Variants in PCDH15 observed in about 807,000 individuals in gnomAD.
PCDH15 encodes protocadherin related 15.
PCDH15 carries 129 observed loss-of-function variants against 178.5 expected under a neutral mutation model. That is an observed-to-expected ratio of 0.72 (90% CI 0.63 to 0.84). PCDH15 has a LOEUF of 0.84. Ranked by LOEUF, PCDH15 falls within the 40% of genes least tolerant of loss-of-function variation. The probability of loss-of-function intolerance (pLI) is 0.00; values close to 1 mark genes in which losing one functional copy is unlikely to be tolerated. For synonymous variants in PCDH15, 800 were observed against 732.0 expected, an observed-to-expected ratio of 1.09 and a Z score of -1.50; for missense variants, 2,230 against 2,099.9, an observed-to-expected ratio of 1.06 and a Z score of -1.21.
chr10:54,807,682 ATATATT>A (rs1474415111), intron 3 of PCDH15, among the ~76,000 whole-genome samples: 4 of 148,296 alleles, frequency 2.7e-5, no homozygotes, highest in African/African-American at 7.3e-5. Context: ...TTATTTATAT[ATATATT>A]TATAAGTATA....
At chr10:55,359,541 G>C (rs946150602) in intron 2 of PCDH15, among the ~76,000 whole-genome samples, 1 of 151,606 alleles carries the variant, frequency 6.6e-6, no homozygotes. Flanking sequence ...TTAAAAAAAT[G>C]AAAATTGAAC....
At chr10:55,563,774 A>G (rs967842672) in intron 2 of PCDH15, among the ~76,000 whole-genome samples, 5 of 151,918 alleles carry the variant, frequency 3.3e-5, no homozygotes, top group African/African-American at 1.2e-4. Flanking sequence ...AAATATCAAT[A>G]GAGACAGAAA....
intron 18 of PCDH15, among the ~76,000 whole-genome samples, chr10:54,028,856 T>C (rs1267189406): frequency 1.3e-5 from 2 of 149,866 alleles, no homozygotes; most frequent in African/African-American, 4.9e-5. Context: ...AGTTAGTGGG[T>C]GCAGCGCACC....
chr10:53,941,872 T>C (rs2086099559), intron 23 of PCDH15, among the ~76,000 whole-genome samples: 1 of 152,346 alleles, frequency 6.6e-6, no homozygotes, highest in African/African-American at 2.4e-5. Flanking sequence ...TGTGTGGTGG[T>C]ATTTATTTTT....
At chr10:55,134,368 C>T (rs1255402998) in intron 2 of PCDH15, among the ~76,000 whole-genome samples, 1 of 152,160 alleles carries the variant, frequency 6.6e-6, no homozygotes, top group Non-Finnish European at 1.5e-5. Flanking sequence ...ACCTTCACTC[C>T]TCTTCTACCC....
Position 54,103,074 on chromosome 10 carries a change from C to T in PCDH15, c.1918-13011G>A, listed in dbSNP as rs148762229. Among the ~76,000 whole-genome samples, 1,357 of 152,308 alleles carry T rather than the reference C, an allele frequency of 8.9e-3. 8 individuals are homozygous for T. Among genetic ancestry groups the T allele is most frequent in the Non-Finnish European group, 0.013 (895 of 68,022 alleles). Reference sequence around the variant, plus strand: ...TGGGTAGTGTAATGGGATTCTTCCTCAAGGGGACCTGGCCTCCCCTTCATT... The same window carrying T: ...TGGGTAGTGTAATGGGATTCTTCCTTAAGGGGACCTGGCCTCCCCTTCATT... On this transcript the variant is annotated intron_variant, in intron 15 of 37. Transcript: ENST00000644397.
intron 2 of PCDH15, among the ~76,000 whole-genome samples, chr10:54,561,629 C>A (rs977269362): frequency 6.6e-6 from 1 of 152,010 alleles, no homozygotes; most frequent in African/African-American, 2.4e-5. Context: ...AGGATATTAT[C>A]TCACTTCCTA....
intron 3 of PCDH15, among the ~76,000 whole-genome samples, chr10:54,866,977 G>A (rs1427073760): frequency 6.6e-6 from 1 of 152,124 alleles, no homozygotes; most frequent in Non-Finnish European, 1.5e-5. Flanking sequence ...TTTCTTTGGG[G>A]AAAGATGAAA....
At chr10:53,812,352 C>T (rs974984681) in intron 35 of PCDH15, among the ~76,000 whole-genome samples, 2 of 151,300 alleles carry the variant, frequency 1.3e-5, no homozygotes, top group Non-Finnish European at 2.9e-5. Flanking sequence ...GGGCTACAGG[C>T]GCCCGCCACC....
intron 23 of PCDH15, among the ~76,000 whole-genome samples, chr10:53,950,634 G>C (rs556633566): frequency 1.3e-5 from 2 of 152,254 alleles, no homozygotes; most frequent in East Asian, 3.9e-4. Context: ...CTGATGACAA[G>C]TGAATTTCAG....
rs1041892966 is a variant in PCDH15 at position 55,130,856 on chromosome 10, T to G, written c.-80+35720A>C. On this transcript the variant is annotated intron_variant, in intron 2 of 5. Transcript: ENST00000458638. ...TTAATCAAAAAGTTCAAAATTTGACTTATTCTTGGTGGAAAACAGGAGGAA... is the reference window on the plus strand; with the variant it reads ...TTAATCAAAAAGTTCAAAATTTGACGTATTCTTGGTGGAAAACAGGAGGAA... Among the ~76,000 whole-genome samples, 4 of 152,064 alleles carry G rather than the reference T, an allele frequency of 2.6e-5. No homozygotes were observed. The South Asian group carries it at 6.3e-4, about 24-fold the overall frequency.
At chr10:54,657,237 G>T (rs906219169) in intron 2 of PCDH15, among the ~76,000 whole-genome samples, 1 of 152,142 alleles carries the variant, frequency 6.6e-6, no homozygotes, top group Non-Finnish European at 1.5e-5. Flanking sequence ...ATGCAACAGC[G>T]GCATGATAGG....
intron 21 of PCDH15, among the ~76,000 whole-genome samples, chr10:53,970,451 G>C (rs191077199): frequency 2.6e-5 from 4 of 151,886 alleles, no homozygotes; most frequent in African/African-American, 9.6e-5. Flanking sequence ...CAGAACTGAA[G>C]GAGACAGAGA....
In PCDH15 at chr10:53,827,407, A is replaced by C. The variant is rs781237168; in HGVS notation, c.4353T>G (p.Leu1451=). ...PPPGAHLYEE[L]GDSSIWSFCW... ...GGTCTACTTACATTGAGCTGTCTCC[A>C]AGTTCTTCATAGAGATGCGCACCTG... is the stretch of plus-strand genomic sequence containing the variant. Residue 1451 remains leucine (L), a synonymous_variant, in exon 32 of 38, where the codon CTT becomes CTG. Transcript: ENST00000644397. 2 of 1,612,660 alleles carry C rather than the reference A, an allele frequency of 1.2e-6. No individual in the cohort carries two copies. The highest frequency in any genetic ancestry group is 3.3e-5 in the Admixed American group (2 of 59,882).
intron 2 of PCDH15, among the ~76,000 whole-genome samples, chr10:54,940,036 T>C (rs980953823): frequency 1.3e-5 from 2 of 152,202 alleles, no homozygotes; most frequent in Admixed American, 6.5e-5. Context: ...CTTCCATTAA[T>C]TTCATCTATA....
intron 2 of PCDH15, among the ~76,000 whole-genome samples, chr10:55,614,113 CAA>C (rs34985733): frequency 1.5e-3 from 208 of 141,238 alleles, no homozygotes; most frequent in Non-Finnish European, 1.7e-3. Flanking sequence ...GACTCCATCT[CAA>C]AAAAAAAAAA....
chr10:55,501,098 C>T (rs1185346875), intron 2 of PCDH15, among the ~76,000 whole-genome samples: 1 of 151,694 alleles, frequency 6.6e-6, no homozygotes, highest in Non-Finnish European at 1.5e-5. Context: ...AATATAACTT[C>T]TGTCCTTTTA....
At chr10:54,194,457 C>CA (rs1286068019) in intron 11 of PCDH15, among the ~76,000 whole-genome samples, 1 of 151,934 alleles carries the variant, frequency 6.6e-6, no homozygotes, top group Admixed American at 6.6e-5. Context: ...TCCATCATCA[C>CA]AAAAAAATCC....
intron 8 of PCDH15, among the ~76,000 whole-genome samples, chr10:54,240,626 C>CTTTTGTTTT (rs2055152166): frequency 1.3e-5 from 1 of 79,662 alleles, no homozygotes; most frequent in East Asian, 3.5e-4. Context: ...TTTTCTTTTG[C>CTTTTGTTTT]TTTTTTTTTT....
Sources: allele counts gnomAD v4.1 joint callset (sites outside exome capture counted in the v4.1 genomes callset), GRCh38; gene constraint gnomAD v4.1.1; transcripts MANE v1.5; gene names NCBI Gene and HGNC (gene_info 2026-07-23, HGNC 2026-07-21).